GRIA4: variants seen among roughly 807,000 people sequenced by gnomAD.
GRIA4 encodes glutamate ionotropic receptor AMPA type subunit 4.
A neutral mutation model predicts 104.0 loss-of-function variants in GRIA4; 34 were observed. The observed-to-expected ratio is 0.33, with a 90% confidence interval of 0.25 to 0.44. The LOEUF (loss-of-function observed/expected upper bound fraction) is 0.44. Among genes scored for constraint, GRIA4 ranks in the 20% least tolerant of loss-of-function variants. The pLI is 1.00. For missense variants in GRIA4, 750 were observed against 1,096.5 expected (o/e 0.68, Z 4.46); for synonymous variants, 386 against 381.9 (o/e 1.01, Z -0.13).
chr11:105,612,730 A>G (rs1182256370), intron 3 of GRIA4: 4 of 274,078 alleles, frequency 1.5e-5, no homozygotes, highest in Non-Finnish European at 6.8e-6. Flanking sequence ...TTTTCCTTTA[A>G]CATTTTAGTG....
chr11:105,753,727 C>T (rs191673982), intron 4 of GRIA4, among the ~76,000 whole-genome samples: 13 of 152,210 alleles, frequency 8.5e-5, no homozygotes, highest in Admixed American at 1.3e-4. Flanking sequence ...TTGGGGTTCC[C>T]GTGACCCTTC....
At chr11:105,700,598 C>G (rs2135520569) in intron 3 of GRIA4, among the ~76,000 whole-genome samples, 1 of 152,274 alleles carries the variant, frequency 6.6e-6, no homozygotes, top group East Asian at 1.9e-4. Flanking sequence ...TGTCTATATA[C>G]TGATGATAGC....
chr11:105,974,917 C>T (rs1257530189), intron 16 of GRIA4: 1 of 179,278 alleles, frequency 5.6e-6, no homozygotes, highest in Non-Finnish European at 1.2e-5. Context: ...AGGGTAGGTG[C>T]TAAAAAATAA....
At chr11:105,963,871 A>G (rs573047489) in intron 14 of GRIA4, among the ~76,000 whole-genome samples, 1 of 152,274 alleles carries the variant, frequency 6.6e-6, no homozygotes, top group East Asian at 1.9e-4. Context: ...CCCTCTCATG[A>G]AATAAGTTTA....
chr11:105,959,621 T>G (rs981562519), intron 14 of GRIA4, among the ~76,000 whole-genome samples: 2 of 152,226 alleles, frequency 1.3e-5, no homozygotes, highest in Non-Finnish European at 2.9e-5. Context: ...TATCTGATCT[T>G]CCATCCAGTT....
At chr11:105,955,264 C>G (rs925914692) in intron 14 of GRIA4, among the ~76,000 whole-genome samples, 7 of 152,008 alleles carry the variant, frequency 4.6e-5, no homozygotes, top group Non-Finnish European at 8.8e-5. Context: ...TCTAAGTTCC[C>G]TCCCCTCACC....
At chr11:105,697,126 T>C (rs1953308283) in intron 3 of GRIA4, among the ~76,000 whole-genome samples, 1 of 152,210 alleles carries the variant, frequency 6.6e-6, no homozygotes, top group African/African-American at 2.4e-5. Flanking sequence ...AGCATACTTG[T>C]TACTTTATTA....
intron 3 of GRIA4, among the ~76,000 whole-genome samples, chr11:105,634,353 CA>C (rs1267208067): frequency 2.0e-3 from 98 of 50,184 alleles, no homozygotes; most frequent in African/African-American, 3.5e-3. Context: ...TCTCCGTCTC[CA>C]AAAAAAAAAA....
intron 3 of GRIA4, among the ~76,000 whole-genome samples, chr11:105,725,299 T>A (rs1938124824): frequency 6.6e-6 from 1 of 152,158 alleles, no homozygotes; most frequent in African/African-American, 2.4e-5. Flanking sequence ...ATTCTCAGAA[T>A]ATTCTGGAGG....
chr11:105,662,787 G>A (rs1952051694), intron 3 of GRIA4, among the ~76,000 whole-genome samples: 1 of 151,776 alleles, frequency 6.6e-6, no homozygotes, highest in Non-Finnish European at 1.5e-5. Context: ...TTCAAAAAAA[G>A]CCAGTGGTTA....
Position 105,898,266 on chromosome 11 carries a change from T to C in GRIA4, c.727-3T>C. On this transcript the variant is annotated splice_region_variant and splice_polypyrimidine_tract_variant and intron_variant, in intron 6 of 16. Coordinates refer to ENST00000282499, the MANE Select transcript of GRIA4 (RefSeq NM_000829.4). ...TAACAATCTTTTGTATTAATTTTTA[T>C]AGGGATTCAAGGATATTTCTCTTGA... is the stretch of plus-strand genomic sequence containing the variant. The C allele has an allele frequency of 2.1e-6, 3 of 1,454,534 alleles. No individual in the cohort carries two copies. Among genetic ancestry groups the C allele is most frequent in the East Asian group, 4.6e-5 (2 of 43,838 alleles). The allele number at this position is 1,454,534 out of a possible 1,614,324, so 90.1% of individuals were successfully genotyped here. A position where few individuals can be genotyped will look rare whatever the true frequency, so the allele number is the denominator to read the frequency against.
intron 6 of GRIA4, among the ~76,000 whole-genome samples, chr11:105,891,901 T>C (rs977550346): frequency 2.0e-5 from 3 of 152,182 alleles, no homozygotes; most frequent in Non-Finnish European, 2.9e-5. Context: ...CTATTCTTTA[T>C]CTGCTGAACT....
chr11:105,823,092 A>G (rs1943635974), intron 4 of GRIA4, among the ~76,000 whole-genome samples: 1 of 152,102 alleles, frequency 6.6e-6, no homozygotes, highest in Non-Finnish European at 1.5e-5. Context: ...ATATTTCCCC[A>G]TTAATCTTGT....
At chr11:105,906,607 C>T (rs1200005974) in intron 9 of GRIA4, among the ~76,000 whole-genome samples, 1 of 152,164 alleles carries the variant, frequency 6.6e-6, no homozygotes, top group Non-Finnish European at 1.5e-5. Flanking sequence ...AAAACCATCT[C>T]TAGATTTCCA....
intron 3 of GRIA4, among the ~76,000 whole-genome samples, chr11:105,751,461 C>T (rs1939991243): frequency 6.6e-6 from 1 of 152,132 alleles, no homozygotes; most frequent in Non-Finnish European, 1.5e-5. Flanking sequence ...CTAGAAACTT[C>T]CTTATATCTT....
In GRIA4 at chr11:105,761,527, T is replaced by G. The variant is rs566647391; in HGVS notation, c.487+8307T>G. 1.5e-4 allele frequency among the ~76,000 whole-genome samples: 23 copies of G among 152,302 alleles called. No homozygotes were observed. The South Asian group carries it at 4.6e-3, about 30-fold the overall frequency. On this transcript the variant is annotated intron_variant, in intron 4 of 16. Transcript: ENST00000282499. The stretch of plus-strand genomic sequence containing the variant: ...TTTAAATAATTTGCCCAAACTCACA[T>G]AGCCGTCAGTGACAGAGCTAGGACT...
chr11:105,801,644 T>C (rs936814661), intron 4 of GRIA4, among the ~76,000 whole-genome samples: 2 of 152,146 alleles, frequency 1.3e-5, no homozygotes, highest in African/African-American at 4.8e-5. Flanking sequence ...CCACTACCAT[T>C]TACTACCATT....
intron 15 of GRIA4, among the ~76,000 whole-genome samples, chr11:105,974,006 A>G (rs546258274): frequency 6.6e-6 from 1 of 152,348 alleles, no homozygotes; most frequent in South Asian, 2.1e-4. Flanking sequence ...CTATGTAAAT[A>G]TATAAATGCT....
chr11:105,914,681 C>A (rs984534614), intron 10 of GRIA4, among the ~76,000 whole-genome samples: 5 of 152,144 alleles, frequency 3.3e-5, no homozygotes, highest in Non-Finnish European at 4.4e-5. Context: ...AACTCATATT[C>A]ACTAAGAAGT....
Sources: allele counts gnomAD v4.1 joint callset (sites outside exome capture counted in the v4.1 genomes callset), GRCh38; gene constraint gnomAD v4.1.1; transcripts MANE v1.5; gene names NCBI Gene and HGNC (gene_info 2026-07-23, HGNC 2026-07-21).